KIF17: variants seen among roughly 807,000 people sequenced by gnomAD.
The protein encoded by KIF17 is kinesin family member 17.
Under a neutral mutation model 96.8 loss-of-function variants are expected in KIF17, and 80 were observed. That is an observed-to-expected ratio of 0.83 (90% CI 0.69 to 1.00). KIF17 has a LOEUF of 1.00. KIF17 is among the 50% of genes least tolerant of loss of function. The pLI is 0.00. For synonymous variants in KIF17, 567 were observed against 587.5 expected (o/e 0.97, Z 0.51); for missense variants, 1,280 against 1,372.9 (o/e 0.93, Z 1.07).
chr1:20,690,047 A>G (rs986483568), intron 7 of KIF17, 141 bp downstream of exon 7: 5 of 867,154 alleles, frequency 5.8e-6, no homozygotes, highest in Non-Finnish European at 9.2e-6. Context: ...TAATTGTGGT[A>G]CCTACCTTAC....
At chr1:20,683,094 C>T (rs1036353582) in intron 10 of KIF17, among the ~76,000 whole-genome samples, 5 of 152,170 alleles carry the variant, frequency 3.3e-5, no homozygotes, top group Admixed American at 3.3e-4. Flanking sequence ...TGCACTTGAC[C>T]ACAGTGGCAG....
chr1:20,663,367 C>A (rs564050339), downstream of KIF17, among the ~76,000 whole-genome samples: 62 of 152,252 alleles, frequency 4.1e-4, no homozygotes, highest in African/African-American at 1.4e-3. Flanking sequence ...GCTCCTTGGC[C>A]CAGGCATGTG....
chr1:20,682,581 A>G, intron 11 of KIF17, 72 bp downstream of exon 11: 2 of 1,292,452 alleles, frequency 1.5e-6, no homozygotes, highest in Non-Finnish European at 2.2e-6. Flanking sequence ...TACAAGGTGT[A>G]GGGATGCCTG....
chr1:20,687,460 C>G lies in KIF17; in HGVS notation c.1866G>C (p.Lys622Asn). The change falls in exon 8 of 15, where the codon AAG becomes AAC. Residue 622 changes from lysine to asparagine, a missense_variant. Lys to Asn is a moderately conservative substitution (Grantham distance 94, BLOSUM62 0). Transcript: ENST00000400463. This position sits in a 1 kb window ranked among gnomAD's most constrained non-coding sequence, Gnocchi z 4.4. The part of the protein sequence containing the change: ...LQDPFAEVEA[K>N]LARLSSTVAR... ...CCACGGTGGAGGAGAGTCTGGCCAG[C>G]TTGGCTTCCACCTCGGCAAACGGGT... The G allele has an allele frequency of 1.9e-6, 3 of 1,614,006 alleles. No homozygotes were observed. The South Asian group carries it at 3.3e-5, about 18-fold the overall frequency.
chr1:20,687,847 C>T lies in KIF17; in HGVS notation c.1479G>A (p.Glu493=). Residue 493 remains glutamate, a synonymous_variant, in exon 8 of 15, where the codon GAG becomes GAA. Transcript: ENST00000400463. This position sits in a 1 kb window ranked among gnomAD's most constrained non-coding sequence, Gnocchi z 4.4. The stretch of plus-strand genomic sequence containing the variant: ...AGAAGACCTTGGGTTTCACCACTGT[C>T]TCATACTGAAAAGCAGGCGGGTACT... ...SAEYPPAFQY[E]TVVKPKVFST... The T allele has an allele frequency of 6.2e-7, 1 of 1,614,120 alleles. No homozygotes were observed. Among genetic ancestry groups the T allele is most frequent in the Non-Finnish European group, 8.5e-7 (1 of 1,180,028 alleles).
chr1:20,664,469 C>T lies in KIF17; in HGVS notation c.*115G>A, dbSNP rs2053488937. 3.1e-6 allele frequency: 5 copies of T among 1,596,828 alleles called. No homozygotes were observed. The highest frequency in any genetic ancestry group is 2.2e-5 in the East Asian group (1 of 44,620). Reference sequence around the variant, plus strand: ...ATGTGTCTTCCCAGGGCTGAGGGAGCCCTCAGGCCCCGGAGCGCTGTGTGG... The same window carrying T: ...ATGTGTCTTCCCAGGGCTGAGGGAGTCCTCAGGCCCCGGAGCGCTGTGTGG... On this transcript the variant is annotated 3_prime_UTR_variant, in exon 15 of 15. Transcript: ENST00000400463.
intron 4 of KIF17, among the ~76,000 whole-genome samples, chr1:20,706,310 G>A (rs2054339787): frequency 6.6e-6 from 1 of 151,902 alleles, no homozygotes; most frequent in South Asian, 2.1e-4. Flanking sequence ...AAAACAACAG[G>A]CTGGGTGCGG....
At chr1:20,662,419 G>A (rs780013223), downstream of KIF17, among the ~76,000 whole-genome samples, 3 of 152,190 alleles carry the variant, frequency 2.0e-5, no homozygotes, top group Non-Finnish European at 4.4e-5. Flanking sequence ...AGTTCCTTTC[G>A]GACACTTGTC....
At chr1:20,669,814 C>T (rs1356765559) in intron 13 of KIF17, among the ~76,000 whole-genome samples, 3 of 123,894 alleles carry the variant, frequency 2.4e-5, no homozygotes, top group Non-Finnish European at 3.2e-5. Flanking sequence ...TGCAGTGAGC[C>T]AAGATCGCAC....
rs920614094 is a variant in KIF17 at position 20,699,133 on chromosome 1, G to A, written c.1124-645C>T. Among the ~76,000 whole-genome samples the A allele has an allele frequency of 6.6e-6, 1 of 152,036 alleles. No homozygotes were observed. Among genetic ancestry groups the A allele is most frequent in the African/African-American group, 2.4e-5 (1 of 41,364 alleles). On this transcript the variant is annotated intron_variant, in intron 5 of 14. Coordinates refer to ENST00000400463, the MANE Select transcript of KIF17 (RefSeq NM_001122819.3). The surrounding 1 kb of genome is among the most constrained non-coding windows in gnomAD (Gnocchi z 4.3). The stretch of plus-strand genomic sequence containing the variant: ...CCCAGCTAATCTTTTATTTTTTGTA[G>A]AGATGGGGTCTCGCCATGTTGTCCA...
At chr1:20,671,909 G>T in intron 12 of KIF17, 29 bp downstream of exon 12, 2 of 1,607,954 alleles carry the variant, frequency 1.2e-6, no homozygotes, top group South Asian at 1.1e-5. Flanking sequence ...AGGAGGGAGG[G>T]GAGGGCAAGG....
intron 7 of KIF17, among the ~76,000 whole-genome samples, chr1:20,689,266 T>C (rs1414291638): frequency 6.6e-6 from 1 of 152,098 alleles, no homozygotes; most frequent in Non-Finnish European, 1.5e-5. Flanking sequence ...TTCTACACTA[T>C]TCATGAGTGC....
chr1:20,695,290 C>T lies in KIF17; in HGVS notation c.1233+3089G>A, dbSNP rs536878047. Among the ~76,000 whole-genome samples, 10 of 152,272 alleles carry T rather than the reference C, an allele frequency of 6.6e-5. No homozygotes were observed. In the South Asian group the frequency reaches 1.2e-3, roughly 19 times the overall value. Reference sequence around the variant, plus strand: ...GCAACCTCCACCTCCTGGGTTCAACCGATTCTCCTGCCTCAGTCGCCCAAG... The same window carrying T: ...GCAACCTCCACCTCCTGGGTTCAACTGATTCTCCTGCCTCAGTCGCCCAAG... On this transcript the variant is annotated intron_variant, in intron 6 of 14. Coordinates refer to ENST00000400463, the MANE Select transcript of KIF17 (RefSeq NM_001122819.3).
At chr1:20,701,345 C>T (rs1428222977) in intron 5 of KIF17, among the ~76,000 whole-genome samples, 3 of 152,090 alleles carry the variant, frequency 2.0e-5, no homozygotes, top group East Asian at 1.9e-4. Flanking sequence ...GCAGGAGAAT[C>T]GCTTGAACCC....
intron 11 of KIF17, among the ~76,000 whole-genome samples, chr1:20,674,679 G>A (rs2053705959): frequency 6.6e-6 from 1 of 151,396 alleles, no homozygotes; most frequent in African/African-American, 2.4e-5. Flanking sequence ...TCTTCCAAGA[G>A]TTTTACAGTT....
intron 13 of KIF17, among the ~76,000 whole-genome samples, chr1:20,667,523 C>G (rs772524599): frequency 3.9e-5 from 6 of 152,156 alleles, no homozygotes; most frequent in Non-Finnish European, 8.8e-5. Flanking sequence ...AACTATCAGA[C>G]CCCCCACCCC....
intron 5 of KIF17, among the ~76,000 whole-genome samples, chr1:20,702,415 G>A (rs1340258819): frequency 6.6e-6 from 1 of 152,168 alleles, no homozygotes; most frequent in Non-Finnish European, 1.5e-5. Flanking sequence ...GCCGCGGGCC[G>A]AGCCTCCCCC....
intron 12 of KIF17, 134 bp downstream of exon 12, chr1:20,671,804 A>G: frequency 9.2e-7 from 1 of 1,081,766 alleles, no homozygotes; most frequent in Non-Finnish European, 1.4e-6. Context: ...CAGAGTCCTG[A>G]CGCATCAGGT....
At chr1:20,680,094 C>G (rs2053804960) in intron 11 of KIF17, among the ~76,000 whole-genome samples, 1 of 152,170 alleles carries the variant, frequency 6.6e-6, no homozygotes, top group African/African-American at 2.4e-5. Context: ...AAGCGATTCG[C>G]CCACCTCAGC....
Sources: gnomAD v4.1 joint callset for allele counts (sites outside exome capture counted in the v4.1 genomes callset) on GRCh38, gnomAD v4.1.1 for gene constraint, Gnocchi (gnomAD v3.1) non-coding constraint, MANE v1.5 for transcripts, NCBI Gene and HGNC (gene_info 2026-07-23, HGNC 2026-07-21) for gene names.